The following SNTG1 variants were observed in gnomAD, a reference collection of about 807,000 sequenced individuals.
SNTG1 encodes syntrophin gamma 1.
In SNTG1, 39 loss-of-function variants were observed where a neutral mutation model predicts 74.7. That is an observed-to-expected ratio of 0.52 (90% CI 0.40 to 0.68). The LOEUF is 0.68. Among genes scored for constraint, SNTG1 ranks in the 30% least tolerant of loss-of-function variants. The pLI, the probability that SNTG1 is intolerant of heterozygous loss-of-function variation, is 0.00. For synonymous variants in SNTG1, 254 were observed against 217.1 expected (o/e 1.17, Z -1.49); for missense variants, 685 against 609.5 (o/e 1.12, Z -1.30).
At chr8:49,917,795 G>T (rs1806175019) in intron 1 of SNTG1, among the ~76,000 whole-genome samples, 1 of 152,010 alleles carries the variant, frequency 6.6e-6, no homozygotes, top group Non-Finnish European at 1.5e-5. Context: ...ATGCCCTCAG[G>T]GTGCAGGCAG....
intron 9 of SNTG1, among the ~76,000 whole-genome samples, chr8:50,529,925 A>G (rs1383863630): frequency 7.2e-6 from 1 of 139,628 alleles, no homozygotes; most frequent in Non-Finnish European, 1.6e-5. Context: ...AAGGCTGTAC[A>G]TTTTCCTTTA....
At chr8:50,332,446 T>C (rs2091002514) in intron 2 of SNTG1, among the ~76,000 whole-genome samples, 1 of 149,942 alleles carries the variant, frequency 6.7e-6, no homozygotes, top group African/African-American at 2.4e-5. Flanking sequence ...TAAGCCTTGT[T>C]TTTTTTTTTA....
At chr8:50,775,113 T>C (rs2095637107) in intron 18 of SNTG1, among the ~76,000 whole-genome samples, 1 of 151,382 alleles carries the variant, frequency 6.6e-6, no homozygotes, top group Admixed American at 6.6e-5. Flanking sequence ...TGAACATAAA[T>C]TTTACCTTAT....
At chr8:50,757,951 T>C (rs931841220) in intron 18 of SNTG1, among the ~76,000 whole-genome samples, 1 of 151,936 alleles carries the variant, frequency 6.6e-6, no homozygotes, top group African/African-American at 2.4e-5. Flanking sequence ...GTGTATCTTA[T>C]AATAACAAAA....
At position 50,116,649 on chromosome 8, in the gene SNTG1, T is replaced by C. The variant is rs145307111; in HGVS notation, c.-102-55912T>C. Among the ~76,000 whole-genome samples the C allele has an allele frequency of 2.6e-5, 4 of 152,326 alleles. No homozygotes were observed. The East Asian group carries it at 7.7e-4, about 29-fold the overall frequency. ...GGATGCAGGCCTACGTGAAGTTTTATAATTTTAAAACCTGGCCTATTTCTT... is the reference window on the plus strand; with the variant it reads ...GGATGCAGGCCTACGTGAAGTTTTACAATTTTAAAACCTGGCCTATTTCTT... On this transcript the variant is annotated intron_variant, in intron 1 of 18. Transcript: ENST00000642720.
intron 4 of SNTG1, among the ~76,000 whole-genome samples, chr8:50,409,436 C>T (rs1263143292): frequency 1.3e-5 from 2 of 152,128 alleles, no homozygotes; most frequent in Admixed American, 6.5e-5. Context: ...TCAGATAAAA[C>T]CTGTTTCATC....
At chr8:50,738,928 A>G (rs994790348) in intron 17 of SNTG1, among the ~76,000 whole-genome samples, 2 of 152,168 alleles carry the variant, frequency 1.3e-5, no homozygotes, top group Admixed American at 1.3e-4. Flanking sequence ...TGGATTAAAG[A>G]CTTAAACATA....
chr8:50,086,123 A>G (rs1198264972), intron 1 of SNTG1, among the ~76,000 whole-genome samples: 1 of 152,204 alleles, frequency 6.6e-6, no homozygotes, highest in Non-Finnish European at 1.5e-5. Context: ...ACAAATGTGG[A>G]ACACTGTGCA....
Position 50,224,736 on chromosome 8 carries a change from T to C in SNTG1, c.-28+52101T>C, listed in dbSNP as rs552690354. Among the ~76,000 whole-genome samples, 31 of 152,274 alleles carry C rather than the reference T, an allele frequency of 2.0e-4. No homozygotes were observed. The South Asian group carries it at 3.9e-3, about 19-fold the overall frequency. Reference sequence around the variant, plus strand: ...CCTCCCTTTGGAATCCAGGCATAGCTGACCAGCATTAACATTGAAACAGAG... The same window carrying C: ...CCTCCCTTTGGAATCCAGGCATAGCCGACCAGCATTAACATTGAAACAGAG... On this transcript the variant is annotated intron_variant, in intron 2 of 18. Transcript: ENST00000642720.
At chr8:50,557,890 T>G (rs1314603664) in intron 12 of SNTG1, among the ~76,000 whole-genome samples, 1 of 152,184 alleles carries the variant, frequency 6.6e-6, no homozygotes, top group African/African-American at 2.4e-5. Context: ...GCTTTGTCAT[T>G]TGGGTGTTCC....
chr8:50,303,289 T>A (rs2130686672), intron 2 of SNTG1, among the ~76,000 whole-genome samples: 1 of 152,236 alleles, frequency 6.6e-6, no homozygotes, highest in Non-Finnish European at 1.5e-5. Flanking sequence ...ATTAAATTAG[T>A]TTCTGAGAGT....
chr8:50,162,523 C>T (rs904420439), intron 1 of SNTG1, among the ~76,000 whole-genome samples: 2 of 143,466 alleles, frequency 1.4e-5, no homozygotes, highest in African/African-American at 5.3e-5. Context: ...GTTCACGCCA[C>T]TGCACTCCAG....
At chr8:50,284,186 T>C (rs1283920140) in intron 2 of SNTG1, among the ~76,000 whole-genome samples, 1 of 152,100 alleles carries the variant, frequency 6.6e-6, no homozygotes, top group Non-Finnish European at 1.5e-5. Context: ...TTGTTAGATG[T>C]TTTTCTTATG....
chr8:50,395,399 G>A (rs1164782703), intron 3 of SNTG1, among the ~76,000 whole-genome samples: 1 of 150,624 alleles, frequency 6.6e-6, no homozygotes, highest in Admixed American at 6.6e-5. Context: ...GTCAGAGTGT[G>A]TACATTATTC....
intron 2 of SNTG1, among the ~76,000 whole-genome samples, chr8:50,208,811 T>A (rs2084370622): frequency 6.6e-6 from 1 of 152,138 alleles, no homozygotes; most frequent in Non-Finnish European, 1.5e-5. Context: ...ACAGCTCCAG[T>A]CTGCAGTTCC....
intron 17 of SNTG1, among the ~76,000 whole-genome samples, chr8:50,731,894 G>A (rs1042125280): frequency 6.6e-6 from 1 of 151,870 alleles, no homozygotes; most frequent in Non-Finnish European, 1.5e-5. Flanking sequence ...TTCCAAATTG[G>A]CCTTAGTAAA....
intron 8 of SNTG1, among the ~76,000 whole-genome samples, chr8:50,461,991 T>A (rs1467048160): frequency 1.3e-5 from 2 of 152,106 alleles, no homozygotes; most frequent in East Asian, 3.9e-4. Flanking sequence ...ACCTTGGTGA[T>A]ACTGTGGGGT....
chr8:50,713,499 T>C (rs190880720), intron 17 of SNTG1, among the ~76,000 whole-genome samples: 101 of 152,322 alleles, frequency 6.6e-4, no homozygotes, highest in Non-Finnish European at 1.2e-3. Context: ...AGAAGCTCTT[T>C]AGTTTAATGA....
intron 17 of SNTG1, among the ~76,000 whole-genome samples, chr8:50,717,807 C>T (rs1029344402): frequency 2.0e-5 from 3 of 152,126 alleles, no homozygotes; most frequent in African/African-American, 7.2e-5. Flanking sequence ...CATGATGAAC[C>T]CTTAGAAAGA....
Sources: gnomAD v4.1 joint callset for allele counts (sites outside exome capture counted in the v4.1 genomes callset) on GRCh38, gnomAD v4.1.1 for gene constraint, MANE v1.5 for transcripts, NCBI Gene and HGNC (gene_info 2026-07-23, HGNC 2026-07-21) for gene names.